Variants in ZFYVE9 observed in about 807,000 individuals in gnomAD.
ZFYVE9 encodes zinc finger FYVE-type containing 9.
ZFYVE9 carries 43 observed loss-of-function variants against 126.7 expected under a neutral mutation model. The observed-to-expected ratio is 0.34, with a 90% confidence interval of 0.27 to 0.44. The LOEUF is 0.44. Ranked by LOEUF, ZFYVE9 falls within the 20% of genes least tolerant of loss-of-function variation. ZFYVE9 has a pLI of 1.00. For synonymous variants in ZFYVE9, 521 were observed against 597.4 expected, an observed-to-expected ratio of 0.87 and a Z score of 1.87; for missense variants, 1,476 against 1,697.0, an observed-to-expected ratio of 0.87 and a Z score of 2.29.
At chr1:52,179,104 A>G (rs753876834) in intron 1 of ZFYVE9, among the ~76,000 whole-genome samples, 1 of 152,140 alleles carries the variant, frequency 6.6e-6, no homozygotes, top group Non-Finnish European at 1.5e-5. Flanking sequence ...GTGCCTGGCC[A>G]CAAGAGATAT....
rs1289646406 is a variant in ZFYVE9, at chr1:52,237,601, T to C, written c.184T>C (p.Ser62Pro). The stretch of plus-strand genomic sequence containing the variant: ...GGCCAGTGTGAATGAATCTGCAGTT[T>C]CTAATGAGTCACAACCACAACTGAA... ...TLASVNESAV[S>P]NESQPQLKVF... Residue 62 changes from serine to proline, a missense_variant, in exon 4 of 19, where the codon TCT becomes CCT. Physicochemically the swap from Ser to Pro is moderately conservative, Grantham distance 74. This residue lies in a region of ZFYVE9 where 807 missense variants were observed against 794.6 expected (regional missense o/e 1.02). Coordinates refer to ENST00000287727, the MANE Select transcript of ZFYVE9 (RefSeq NM_004799.4). 3 of 1,614,072 alleles carry C rather than the reference T, an allele frequency of 1.9e-6. No individual in the cohort carries two copies. Among genetic ancestry groups the C allele is most frequent in the Non-Finnish European group, 2.5e-6 (3 of 1,179,952 alleles).
At chr1:52,189,448 G>A (rs1273395921) in intron 1 of ZFYVE9, among the ~76,000 whole-genome samples, 2 of 151,958 alleles carry the variant, frequency 1.3e-5, no homozygotes, top group Non-Finnish European at 2.9e-5. Context: ...TGTTGGCCAG[G>A]CTGGTCTCTA....
intron 1 of ZFYVE9, among the ~76,000 whole-genome samples, chr1:52,159,450 A>AGGGAGAGTCTCAGAGTGCGATGCAGGTCT (rs1644435702): frequency 6.6e-6 from 1 of 152,222 alleles, no homozygotes; most frequent in Non-Finnish European, 1.5e-5. Context: ...CACAATTGTC[A>AGGGAGAGTCTCAGAGTGCGATGCAGGTCT]GGGAGAGTCT....
At chr1:52,236,484 G>A (rs1277158106) in intron 3 of ZFYVE9, among the ~76,000 whole-genome samples, 1 of 152,168 alleles carries the variant, frequency 6.6e-6, no homozygotes, top group Non-Finnish European at 1.5e-5. Flanking sequence ...ATGATTATCA[G>A]AGATACTGGA....
intron 13 of ZFYVE9, among the ~76,000 whole-genome samples, chr1:52,329,866 C>G (rs1646324279): frequency 6.6e-6 from 1 of 152,016 alleles, no homozygotes; most frequent in African/African-American, 2.4e-5. Context: ...GATCGCGCCA[C>G]TGCACTCCAG....
At chr1:52,226,603 G>A (rs918224527) in intron 2 of ZFYVE9, among the ~76,000 whole-genome samples, 9 of 152,120 alleles carry the variant, frequency 5.9e-5, no homozygotes, top group African/African-American at 1.9e-4. Flanking sequence ...GAGGACTCTC[G>A]TACCCTTACT....
chr1:52,293,812 G>A (rs1226069427), intron 11 of ZFYVE9, 135 bp downstream of exon 11: 5 of 793,458 alleles, frequency 6.3e-6, no homozygotes, highest in Non-Finnish European at 6.0e-6. Flanking sequence ...GCCAGTGTCT[G>A]CGTGTATTGG....
chr1:52,235,143 C>G (rs1381881095), intron 3 of ZFYVE9, among the ~76,000 whole-genome samples: 1 of 152,090 alleles, frequency 6.6e-6, no homozygotes, highest in South Asian at 2.1e-4. Context: ...CTGAAACCAG[C>G]TTCTTGGTTG....
At chr1:52,160,566 C>A in intron 1 of ZFYVE9, 1 of 751,028 alleles carries the variant, frequency 1.3e-6, no homozygotes, top group Non-Finnish European at 2.5e-6. Flanking sequence ...GCTCTCATGA[C>A]CTTCACATTA....
At chr1:52,277,058 C>T (rs182521037) in intron 8 of ZFYVE9, among the ~76,000 whole-genome samples, 6 of 152,278 alleles carry the variant, frequency 3.9e-5, no homozygotes, top group Admixed American at 3.3e-4. Flanking sequence ...TGCTTCTTTA[C>T]CAGGACCCTG....
At chr1:52,276,540 GTTA>G (rs903169723) in intron 8 of ZFYVE9, among the ~76,000 whole-genome samples, 20 of 152,098 alleles carry the variant, frequency 1.3e-4, no homozygotes, top group African/African-American at 4.6e-4. Flanking sequence ...AGTCATTGTG[GTTA>G]TTAAGTTAGA....
At chr1:52,343,433 G>A (rs1045487049) in intron 17 of ZFYVE9, among the ~76,000 whole-genome samples, 9 of 149,938 alleles carry the variant, frequency 6.0e-5, no homozygotes, top group African/African-American at 1.7e-4. Flanking sequence ...GCAATAGAGC[G>A]AGACTCCATC....
chr1:52,143,808 A>G (rs1644283770), intron 1 of ZFYVE9, among the ~76,000 whole-genome samples: 1 of 152,228 alleles, frequency 6.6e-6, no homozygotes, highest in Non-Finnish European at 1.5e-5. Flanking sequence ...TCTATGCAGC[A>G]TGGGGTCTCC....
At position 52,180,180 on chromosome 1, in the gene ZFYVE9, G is replaced by A. The variant is rs61734687; in HGVS notation, c.-142-36189G>A. On this transcript the variant is annotated intron_variant, in intron 1 of 18. Coordinates refer to ENST00000287727, the MANE Select transcript of ZFYVE9 (RefSeq NM_004799.4). ...CAAAGCCAGTGAGGGTTTGTGGGTC[G>A]TCTTGCACCTTTACAAACAAGGAAT... is the stretch of plus-strand genomic sequence containing the variant. The A allele has an allele frequency of 7.4e-5, 110 of 1,484,192 alleles. No homozygotes were observed. In the East Asian group the frequency reaches 1.5e-3, roughly 20 times the overall value. The allele number at this position is 1,484,192 out of a possible 1,614,324, so 91.9% of individuals were successfully genotyped here. A position where few individuals can be genotyped will look rare whatever the true frequency, so the allele number is the denominator to read the frequency against.
chr1:52,317,228 A>T (rs748202409), intron 13 of ZFYVE9, among the ~76,000 whole-genome samples: 2 of 152,166 alleles, frequency 1.3e-5, no homozygotes, highest in African/African-American at 2.4e-5. Context: ...CCCTTGTATT[A>T]GAAAAAAAGG....
chr1:52,343,728 C>A (rs1646460487), intron 17 of ZFYVE9, among the ~76,000 whole-genome samples: 1 of 151,120 alleles, frequency 6.6e-6, no homozygotes, highest in Admixed American at 6.6e-5. Context: ...CGCACTCCAG[C>A]CTGGGCGGTG....
intron 1 of ZFYVE9, among the ~76,000 whole-genome samples, chr1:52,204,304 G>C (rs1178874908): frequency 6.6e-6 from 1 of 152,134 alleles, no homozygotes. Flanking sequence ...CCCCTGTTTA[G>C]AGGGGACAGG....
intron 6 of ZFYVE9, 134 bp from the exon 7 acceptor site, chr1:52,268,329 T>G (rs1432945364): frequency 1.2e-6 from 1 of 823,550 alleles, no homozygotes; most frequent in Admixed American, 2.7e-5. Flanking sequence ...CAGTTACATT[T>G]CTGATGTTTC....
intron 9 of ZFYVE9, among the ~76,000 whole-genome samples, chr1:52,279,370 AC>A (rs1645779939): frequency 6.6e-6 from 1 of 152,222 alleles, no homozygotes; most frequent in South Asian, 2.1e-4. Context: ...TAACTAACAC[AC>A]AGTAAAGCTT....
Sources: gnomAD v4.1 joint callset for allele counts (sites outside exome capture counted in the v4.1 genomes callset) on GRCh38, gnomAD v4.1.1 for gene constraint, gnomAD v4.1.1 regional missense constraint, MANE v1.5 for transcripts, NCBI Gene and HGNC (gene_info 2026-07-23, HGNC 2026-07-21) for gene names.